The following NFASC variants were observed in gnomAD, a reference collection of about 807,000 sequenced individuals.
NFASC encodes the protein neurofascin, also known as neurofascin homolog.
Under a neutral mutation model 147.5 loss-of-function variants are expected in NFASC, and 43 were observed. That is an observed-to-expected ratio of 0.29 (90% CI 0.23 to 0.38). NFASC has a LOEUF of 0.38. Ranked by LOEUF, NFASC falls within the 10% of genes least tolerant of loss-of-function variation. The probability of loss-of-function intolerance (pLI) is 1.00; values close to 1 mark genes in which losing one functional copy is unlikely to be tolerated. For missense variants in NFASC, 1,320 were observed against 1,689.0 expected (o/e 0.78, Z 3.83); for synonymous variants, 622 against 665.5 (o/e 0.93, Z 1.01).
chr1:204,974,249 G>A lies in NFASC; in HGVS notation c.1350G>A (p.Leu450=). 6.2e-7 allele frequency: 1 copy of A among 1,614,152 alleles called. No homozygotes were observed. The highest frequency in any genetic ancestry group is 8.5e-7 in the Non-Finnish European group (1 of 1,180,018). Residue 450 remains leucine, a synonymous_variant, in exon 13 of 30, where the codon CTG becomes CTA. Transcript: ENST00000339876. ...TGATTCTTTACAACCGGACGCGGCT[G>A]GACTGCCCTTTCTTTGGGTCTCCCA... The part of the protein sequence containing the change: ...IRVILYNRTR[L]DCPFFGSPIP...
chr1:204,988,418 G>A (rs2095658611), intron 22 of NFASC, among the ~76,000 whole-genome samples: 2 of 152,244 alleles, frequency 1.3e-5, no homozygotes, highest in South Asian at 4.1e-4. Flanking sequence ...AACAGGATCA[G>A]TGAAGAAGGA....
intron 10 of NFASC, among the ~76,000 whole-genome samples, chr1:204,969,356 G>T (rs143520279): frequency 2.0e-5 from 3 of 152,250 alleles, no homozygotes; most frequent in Non-Finnish European, 2.9e-5. Flanking sequence ...GTGTACCTAT[G>T]CATGATGCTG....
chr1:204,836,677 A>G (rs1024393165), intron 1 of NFASC, among the ~76,000 whole-genome samples: 2 of 152,262 alleles, frequency 1.3e-5, no homozygotes, highest in African/African-American at 4.8e-5. Context: ...ATTTTTCCAC[A>G]TGTTGGAGGT....
chr1:204,859,320 G>A (rs1483914556), intron 1 of NFASC, among the ~76,000 whole-genome samples: 1 of 152,160 alleles, frequency 6.6e-6, no homozygotes, highest in African/African-American at 2.4e-5. Flanking sequence ...AGCCGGGCAG[G>A]GTCTTCCCCC....
intron 1 of NFASC, among the ~76,000 whole-genome samples, chr1:204,912,181 G>C (rs1209143119): frequency 6.6e-6 from 1 of 151,462 alleles, no homozygotes; most frequent in Non-Finnish European, 1.5e-5. Context: ...AGGTTTTGGG[G>C]TGGGAGGCTG....
At chr1:204,967,114 C>A (rs1430747346) in intron 8 of NFASC, among the ~76,000 whole-genome samples, 2 of 152,216 alleles carry the variant, frequency 1.3e-5, no homozygotes, top group African/African-American at 4.8e-5. Flanking sequence ...GGCAGCTCTG[C>A]CTCCCCTCCA....
chr1:204,910,531 A>T (rs2087124511), intron 1 of NFASC, among the ~76,000 whole-genome samples: 1 of 151,916 alleles, frequency 6.6e-6, no homozygotes, highest in South Asian at 2.1e-4. Flanking sequence ...AGCTCACTGC[A>T]GCCTTGAACT....
At position 205,012,998 on chromosome 1, in the gene NFASC, T is replaced by C. The variant is rs1002355927; in HGVS notation, c.3491+132T>C. ...GTCCTTGCCCATTGGGCTGTGACTC[T>C]GCCTCTCTGGTGGCGCTGTGGTGGA... On this transcript the variant is annotated intron_variant, in intron 29 of 29. Transcript: ENST00000339876. The C allele has an allele frequency of 5.8e-6, 4 of 688,580 alleles. No individual in the cohort carries two copies. The African/African-American group carries it at 7.1e-5, about 12-fold the overall frequency. 42.7% of individuals were successfully genotyped at this position (688,580 alleles called of 1,614,324 possible). A position where few individuals can be genotyped will look rare whatever the true frequency, so the allele number is the denominator to read the frequency against.
chr1:204,842,133 C>G (rs1675533270), intron 1 of NFASC, among the ~76,000 whole-genome samples: 1 of 152,194 alleles, frequency 6.6e-6, no homozygotes, highest in African/African-American at 2.4e-5. Flanking sequence ...AGACTGGAAA[C>G]TCAAGCCTGA....
chr1:204,833,617 A>C (rs2102374777), intron 1 of NFASC, among the ~76,000 whole-genome samples: 1 of 152,374 alleles, frequency 6.6e-6, no homozygotes, highest in Non-Finnish European at 1.5e-5. Flanking sequence ...CCTGCTTTCA[A>C]ATAGAAGAAA....
At position 204,920,673 on chromosome 1, in the gene NFASC, T is replaced by G. The variant is rs2149438923; in HGVS notation, c.-158T>G. The G allele has an allele frequency of 7.8e-7, 1 of 1,289,632 alleles. No individual in the cohort carries two copies. The highest frequency in any genetic ancestry group is 1.2e-5 in the South Asian group (1 of 81,010). The allele number at this position is 1,289,632 out of a possible 1,614,324, so 79.9% of individuals were successfully genotyped here. Reference sequence around the variant, plus strand: ...GCAATTTGGGACGCTGGAGTTTACCTTCCCTCCGCAGCCTGGAACAGAGCC... The same window carrying G: ...GCAATTTGGGACGCTGGAGTTTACCGTCCCTCCGCAGCCTGGAACAGAGCC... On this transcript the variant is annotated 5_prime_UTR_variant, in exon 2 of 30. Coordinates refer to ENST00000339876, the MANE Select transcript of NFASC (RefSeq NM_001005388.3).
chr1:204,873,690 A>C (rs543276300), intron 1 of NFASC, among the ~76,000 whole-genome samples: 1 of 152,336 alleles, frequency 6.6e-6, no homozygotes, highest in East Asian at 1.9e-4. Context: ...TTCTGAGGCA[A>C]TGAAGAAGCC....
intron 1 of NFASC, among the ~76,000 whole-genome samples, chr1:204,865,452 G>A (rs1198261583): frequency 6.6e-6 from 1 of 152,208 alleles, no homozygotes. Flanking sequence ...CTACTGTAGT[G>A]TGAGGTTTGT....
intron 1 of NFASC, among the ~76,000 whole-genome samples, chr1:204,892,518 G>T (rs2082608676): frequency 1.3e-5 from 2 of 152,244 alleles, no homozygotes; most frequent in Admixed American, 1.3e-4. Flanking sequence ...GACATGCACT[G>T]CTGTCAGCTG....
chr1:204,950,555 A>G lies in NFASC; in HGVS notation c.92-2A>G. ...CCAATGCTAACCCGTCGGAACTAAC[A>G]GCAAGCATTCAGAATGAGCGTAAGT... On this transcript the variant is annotated splice_acceptor_variant, in intron 3 of 29. Coordinates refer to ENST00000339876, the MANE Select transcript of NFASC (RefSeq NM_001005388.3). LOFTEE classifies it high-confidence loss of function. 6.2e-7 allele frequency: 1 copy of G among 1,612,620 alleles called. No homozygotes were observed.
chr1:204,870,590 G>C, intron 1 of NFASC: 1 of 874,870 alleles, frequency 1.1e-6, no homozygotes, highest in Non-Finnish European at 1.4e-6. Context: ...ACGTCTCTCT[G>C]TCTATCCCCT....
chr1:204,983,980 G>C, intron 21 of NFASC: 1 of 1,352,564 alleles, frequency 7.4e-7, no homozygotes, highest in Non-Finnish European at 1.1e-6. Context: ...AGAAGCAACT[G>C]TAGAGTCCTG....
chr1:204,925,075 G>A (rs1038291409), intron 2 of NFASC, among the ~76,000 whole-genome samples: 2 of 152,106 alleles, frequency 1.3e-5, no homozygotes, highest in Non-Finnish European at 2.9e-5. Flanking sequence ...GGGTTTCACT[G>A]TGTTGGCCAG....
At chr1:204,908,289 A>G (rs2086449190) in intron 1 of NFASC, among the ~76,000 whole-genome samples, 1 of 152,080 alleles carries the variant, frequency 6.6e-6, no homozygotes, top group Non-Finnish European at 1.5e-5. Context: ...GCCTGAGAAT[A>G]TATTTTTACA....
Sources: allele counts gnomAD v4.1 joint callset (sites outside exome capture counted in the v4.1 genomes callset), GRCh38; gene constraint gnomAD v4.1.1; transcripts MANE v1.5; gene names NCBI Gene and HGNC (gene_info 2026-07-23, HGNC 2026-07-21).